Variants in DDI2 observed in about 807,000 individuals in gnomAD.
The protein encoded by DDI2 is DDI proteasomal shuttling factor 2, also known as protein DDI1 homolog 2.
Under a neutral mutation model 48.1 loss-of-function variants are expected in DDI2, and 5 were observed. The observed-to-expected ratio is 0.10, with a 90% CI of 0.05 to 0.22. The LOEUF is 0.22. DDI2 is among the 10% of genes least tolerant of loss of function. The pLI is 1.00. For synonymous variants in DDI2, 205 were observed against 183.6 expected, an observed-to-expected ratio of 1.12 and a Z score of -0.94; for missense variants, 285 against 506.2, an observed-to-expected ratio of 0.56 and a Z score of 4.19.
At chr1:15,646,950 G>T (rs1226215611) in intron 6 of DDI2, among the ~76,000 whole-genome samples, 2 of 151,916 alleles carry the variant, frequency 1.3e-5, no homozygotes, top group African/African-American at 4.8e-5. Context: ...ATATCTCCTG[G>T]TCTTTTTTCT....
chr1:15,651,956 G>T, intron 8 of DDI2, 61 bp downstream of exon 8: 1 of 1,523,466 alleles, frequency 6.6e-7, no homozygotes. Context: ...GGGAAGTGTG[G>T]GCTTCAGAAG....
At chr1:15,624,652 T>A (rs915991833) in intron 1 of DDI2, among the ~76,000 whole-genome samples, 63 of 152,054 alleles carry the variant, frequency 4.1e-4, no homozygotes, top group Non-Finnish European at 7.9e-4. Flanking sequence ...TTTTTTTTTT[T>A]AGATATGCGG....
intron 5 of DDI2, among the ~76,000 whole-genome samples, chr1:15,642,331 G>T (rs1640023975): frequency 2.0e-5 from 3 of 152,156 alleles, no homozygotes; most frequent in Admixed American, 2.0e-4. Flanking sequence ...TATTTAAAGG[G>T]AAGAGAGTCT....
chr1:15,642,873 C>A (rs1355178718), intron 5 of DDI2, among the ~76,000 whole-genome samples: 2 of 152,200 alleles, frequency 1.3e-5, no homozygotes, highest in Non-Finnish European at 2.9e-5. Flanking sequence ...CGAGACCATC[C>A]TGGCTAACAC....
intron 4 of DDI2, 136 bp from the exon 5 acceptor site, chr1:15,638,171 C>A: frequency 2.4e-6 from 3 of 1,247,444 alleles, no homozygotes; most frequent in Non-Finnish European, 3.3e-6. Context: ...CATATAGCAC[C>A]AATTTTTCTA....
chr1:15,629,726 A>ATT (rs113510565), intron 2 of DDI2, among the ~76,000 whole-genome samples: 18 of 142,442 alleles, frequency 1.3e-4, no homozygotes, highest in African/African-American at 1.8e-4. Flanking sequence ...ACTAGCTTTA[A>ATT]TTTTTTTTTT....
chr1:15,631,281 AT>A (rs1370330350), intron 3 of DDI2, among the ~76,000 whole-genome samples: 2 of 152,032 alleles, frequency 1.3e-5, no homozygotes, highest in South Asian at 4.1e-4. Context: ...ACTCCAAGTT[AT>A]TTTTTGTATT....
intron 4 of DDI2, among the ~76,000 whole-genome samples, chr1:15,635,469 G>A (rs551822112): frequency 2.0e-5 from 3 of 152,228 alleles, no homozygotes; most frequent in East Asian, 1.9e-4. Flanking sequence ...TCAGTGGCAC[G>A]ATCTCGGCTC....
At chr1:15,620,273 TC>T (rs1468216567) in intron 1 of DDI2, among the ~76,000 whole-genome samples, 4 of 152,284 alleles carry the variant, frequency 2.6e-5, no homozygotes, top group African/African-American at 7.2e-5. Flanking sequence ...TTTTAAGGTG[TC>T]TGGTGGTCGG....
rs1463873847 is a variant in DDI2 at position 15,638,289 on chromosome 1, G to C, written c.633-18G>C. ...TGGAATTAATGCTTTCAGTGTCCCT[G>C]GTCTTGTTCTGTTACAGGCAACAGA... On this transcript the variant is annotated intron_variant, in intron 4 of 9. Transcript: ENST00000480945. 3 of 1,613,132 alleles carry C rather than the reference G, an allele frequency of 1.9e-6. No individual in the cohort carries two copies. The highest frequency in any genetic ancestry group is 1.7e-4 in the Middle Eastern group (1 of 6,058).
chr1:15,630,653 C>T lies in DDI2; in HGVS notation c.505+92C>T. On this transcript the variant is annotated intron_variant, in intron 3 of 9. Transcript: ENST00000480945. ...TGAAGAGACTCAAGCGACACTGTGT[C>T]ACATGATTTATTGAACATACCAGTT... 9.1e-6 allele frequency: 8 copies of T among 877,340 alleles called. No homozygotes were observed. The South Asian group carries it at 1.0e-4, about 11-fold the overall frequency. The allele number at this position is 877,340 out of a possible 1,614,324, so 54.3% of individuals were successfully genotyped here. A position where few individuals can be genotyped will look rare whatever the true frequency, so the allele number is the denominator to read the frequency against.
Position 15,667,569 on chromosome 1 carries a change from C to T in DDI2, c.*7779C>T, listed in dbSNP as rs1471226990. The T allele has an allele frequency of 2.6e-5, 4 of 152,222 alleles. No homozygotes were observed. The highest frequency in any genetic ancestry group is 6.5e-5 in the Admixed American group (1 of 15,272). The allele number at this position is 152,222 out of a possible 1,614,324, so 9.4% of individuals were successfully genotyped here. A position where few individuals can be genotyped will look rare whatever the true frequency, so the allele number is the denominator to read the frequency against. On this transcript the variant is annotated 3_prime_UTR_variant, in exon 10 of 10. Transcript: ENST00000480945. Reference sequence around the variant, plus strand: ...AGCAGCTGGGTGCAACTTGTGAAAACGGGAATCTAGAGCAGAACATGTAAT... The same window carrying T: ...AGCAGCTGGGTGCAACTTGTGAAAATGGGAATCTAGAGCAGAACATGTAAT...
chr1:15,635,508 C>T (rs971678086), intron 4 of DDI2, among the ~76,000 whole-genome samples: 5 of 152,264 alleles, frequency 3.3e-5, no homozygotes, highest in South Asian at 4.1e-4. Flanking sequence ...CAAGTTCAAG[C>T]GATTCTCCTG....
chr1:15,646,641 T>A (rs551169432), intron 6 of DDI2, among the ~76,000 whole-genome samples: 1 of 152,178 alleles, frequency 6.6e-6, no homozygotes, highest in African/African-American at 2.4e-5. Context: ...AAGCTGAGAT[T>A]GTGCCATTTC....
intron 1 of DDI2, among the ~76,000 whole-genome samples, chr1:15,625,696 G>GCAAC (rs1171902152): frequency 1.3e-5 from 2 of 152,110 alleles, no homozygotes; most frequent in Admixed American, 1.3e-4. Context: ...TCTCAGCCCT[G>GCAAC]CAACCTTTGC....
chr1:15,649,357 G>A (rs1418141192), intron 6 of DDI2, among the ~76,000 whole-genome samples: 1 of 147,446 alleles, frequency 6.8e-6, no homozygotes, highest in Non-Finnish European at 1.5e-5. Context: ...GCAAGACTCT[G>A]TCTCAAAAAA....
intron 3 of DDI2, among the ~76,000 whole-genome samples, chr1:15,632,412 A>C (rs1289397719): frequency 2.6e-5 from 4 of 152,094 alleles, no homozygotes; most frequent in Non-Finnish European, 4.4e-5. Context: ...AGGTACCTGT[A>C]ATCCCAGCTA....
rs1451984951 is a variant in DDI2 at position 15,649,708 on chromosome 1, T to C, written c.890-12T>C. ...ACGTAACAATAACCTTTTCTCTTCA[T>C]GTGCTTTTTAGCTCAGGTTCAGATT... is the stretch of plus-strand genomic sequence containing the variant. On this transcript the variant is annotated splice_polypyrimidine_tract_variant and intron_variant, in intron 6 of 9. Transcript: ENST00000480945. 8.7e-6 allele frequency: 14 copies of C among 1,605,072 alleles called. No individual in the cohort carries two copies. The highest frequency in any genetic ancestry group is 1.3e-5 in the African/African-American group (1 of 74,438).
At position 15,630,978 on chromosome 1, in the gene DDI2, G is replaced by A. The variant is rs547726488; in HGVS notation, c.505+417G>A. On this transcript the variant is annotated intron_variant, in intron 3 of 9. Coordinates refer to ENST00000480945, the MANE Select transcript of DDI2 (RefSeq NM_032341.5). Reference sequence around the variant, plus strand: ...CCTGCCTCAGCCTCCCAAGTAGCTGGGACTACAGGCGCATGCTGCCACACC... The same window carrying A: ...CCTGCCTCAGCCTCCCAAGTAGCTGAGACTACAGGCGCATGCTGCCACACC... Among the ~76,000 whole-genome samples the A allele has an allele frequency of 3.1e-3, 471 of 152,252 alleles. 3 individuals carry two copies. The highest frequency in any genetic ancestry group is 0.017 in the South Asian group (83 of 4,826).
Sources: gnomAD v4.1 joint callset for allele counts (sites outside exome capture counted in the v4.1 genomes callset) on GRCh38, gnomAD v4.1.1 for gene constraint, MANE v1.5 for transcripts, NCBI Gene and HGNC (gene_info 2026-07-23, HGNC 2026-07-21) for gene names.